SERPINI2: variants seen among roughly 807,000 people sequenced by gnomAD.
The protein encoded by SERPINI2 is serpin I2.
A neutral mutation model predicts 47.3 loss-of-function variants in SERPINI2; 48 were observed. The ratio of observed to expected loss-of-function variants is 1.02; its 90% CI spans 0.81 to 1.29. The LOEUF (loss-of-function observed/expected upper bound fraction) is 1.29. SERPINI2 is among the 50% of genes most tolerant of loss of function. SERPINI2 has a pLI of 0.00. For synonymous variants in SERPINI2, 135 were observed against 149.3 expected, an observed-to-expected ratio of 0.90 and a Z score of 0.70; for missense variants, 448 against 456.9, an observed-to-expected ratio of 0.98 and a Z score of 0.18.
intron 5 of SERPINI2, among the ~76,000 whole-genome samples, chr3:167,457,182 A>G (rs1749817581): frequency 6.6e-6 from 1 of 152,238 alleles, no homozygotes; most frequent in Non-Finnish European, 1.5e-5. Flanking sequence ...GTAGTGCTTA[A>G]CAAGTTTAAA....
chr3:167,446,748 A>G (rs1239094055), intron 7 of SERPINI2: 1 of 220,152 alleles, frequency 4.5e-6, no homozygotes, highest in African/African-American at 2.3e-5. Flanking sequence ...GATTCAATTT[A>G]GTGAAAGCAG....
At chr3:167,476,445 T>C (rs888171549), upstream of SERPINI2, among the ~76,000 whole-genome samples, 1 of 151,228 alleles carries the variant, frequency 6.6e-6, no homozygotes, top group Non-Finnish European at 1.5e-5. Context: ...ACAGCTCTTC[T>C]TAATTCCTTT....
In SERPINI2 at chr3:167,449,408, T is replaced by TA. The variant is rs112652738; in HGVS notation, c.965-7dup. 611 of 1,521,670 alleles carry TA rather than the reference T, an allele frequency of 4.0e-4. No homozygotes were observed. The highest frequency in any genetic ancestry group is 6.9e-4 in the Middle Eastern group (4 of 5,802). 94.3% of individuals were successfully genotyped at this position (1,521,670 alleles called of 1,614,324 possible). A position where few individuals can be genotyped will look rare whatever the true frequency, so the allele number is the denominator to read the frequency against. ...AACATACACTTCAGATGAATCTGGT[T>TA]AAAAAAAAATACACAAAAGTGTATT... On this transcript the variant is annotated splice_polypyrimidine_tract_variant and splice_region_variant and intron_variant, in intron 6 of 8. Transcript: ENST00000264677.
chr3:167,450,425 G>A (rs983668615), intron 6 of SERPINI2, among the ~76,000 whole-genome samples: 10 of 152,180 alleles, frequency 6.6e-5, no homozygotes, highest in African/African-American at 2.4e-4. Flanking sequence ...CCGGAGCCCA[G>A]AAGCCATGTC....
chr3:167,476,961 A>G (rs181142295), upstream of SERPINI2, among the ~76,000 whole-genome samples: 2 of 152,058 alleles, frequency 1.3e-5, no homozygotes, highest in East Asian at 1.9e-4. Context: ...CCATTGTACT[A>G]TCACCAACCT....
intron 6 of SERPINI2, among the ~76,000 whole-genome samples, chr3:167,452,307 G>C (rs369376325): frequency 1.3e-5 from 2 of 152,104 alleles, no homozygotes; most frequent in Non-Finnish European, 2.9e-5. Flanking sequence ...TTTTGAACTA[G>C]TGTGTACCAC....
At chr3:167,465,744 A>T in intron 3 of SERPINI2, 71 bp from the exon 4 acceptor site, 1 of 1,327,732 alleles carries the variant, frequency 7.5e-7, no homozygotes, top group Non-Finnish European at 1.0e-6. Flanking sequence ...CTTTGAATAG[A>T]ATTAAAGCAA....
At chr3:167,469,087 T>G (rs2108172144) in intron 2 of SERPINI2, among the ~76,000 whole-genome samples, 1 of 152,306 alleles carries the variant, frequency 6.6e-6, no homozygotes, top group Non-Finnish European at 1.5e-5. Context: ...GTAGTACAAG[T>G]TTGGAGAAGA....
chr3:167,444,551 A>T (rs764890750), intron 8 of SERPINI2, among the ~76,000 whole-genome samples: 2 of 152,110 alleles, frequency 1.3e-5, no homozygotes, highest in Non-Finnish European at 2.9e-5. Context: ...CATTAATCTC[A>T]ATGATTTCTT....
exon 7 of SERPINI2, chr3:167,449,345 T>C (rs763712932): frequency 1.2e-6 from 2 of 1,613,340 alleles, no homozygotes; most frequent in Non-Finnish European, 1.7e-6. Flanking sequence ...ACTACCATCT[T>C]CATTTATCTC....
At chr3:167,459,733 C>T (rs974018023) in intron 5 of SERPINI2, among the ~76,000 whole-genome samples, 1 of 147,090 alleles carries the variant, frequency 6.8e-6, no homozygotes, top group Non-Finnish European at 1.5e-5. Context: ...AGATATTTTA[C>T]AACAATATAG....
intron 7 of SERPINI2, among the ~76,000 whole-genome samples, chr3:167,448,046 A>G (rs898718695): frequency 6.6e-6 from 1 of 152,344 alleles, no homozygotes; most frequent in African/African-American, 2.4e-5. Flanking sequence ...TAAAATCCAA[A>G]TAGTATGGGG....
intron 2 of SERPINI2, among the ~76,000 whole-genome samples, chr3:167,470,581 G>A (rs1185044453): frequency 1.5e-5 from 1 of 67,774 alleles, no homozygotes; most frequent in Non-Finnish European, 2.5e-5. Context: ...TTTTTTTTTG[G>A]AGAAGGAGTC....
At chr3:167,459,679 TG>T (rs148400461) in intron 5 of SERPINI2, among the ~76,000 whole-genome samples, 28,484 of 128,896 alleles carry the variant, frequency 0.22, 3,203 homozygotes, top group South Asian at 0.29. Flanking sequence ...TTCTTATGGG[TG>T]GTTTTTTTTT....
intron 8 of SERPINI2, among the ~76,000 whole-genome samples, chr3:167,442,525 G>A (rs188370376): frequency 3.0e-4 from 46 of 152,212 alleles, no homozygotes; most frequent in Middle Eastern, 3.4e-3. Flanking sequence ...ATAATAAAAC[G>A]GTGATGAGCG....
chr3:167,454,369 T>C lies in SERPINI2; in HGVS notation c.867-1336A>G, dbSNP rs115589943. 6.0e-3 allele frequency among the ~76,000 whole-genome samples: 916 copies of C among 152,298 alleles called. 9 individuals carry two copies. Among genetic ancestry groups the C allele is most frequent in the African/African-American group, 0.021 (871 of 41,562 alleles). Reference sequence around the variant, plus strand: ...TATCTACCTGGGAATGGACACAACATGCACATTAAAATCAGCTGATAAAGA... The same window carrying C: ...TATCTACCTGGGAATGGACACAACACGCACATTAAAATCAGCTGATAAAGA... On this transcript the variant is annotated intron_variant, in intron 5 of 8. Transcript: ENST00000264677.
chr3:167,468,589 T>A (rs1408879585), intron 2 of SERPINI2, among the ~76,000 whole-genome samples: 1 of 152,162 alleles, frequency 6.6e-6, no homozygotes, highest in African/African-American at 2.4e-5. Flanking sequence ...GGTATATAGA[T>A]ACAGGTATAA....
chr3:167,471,721 G>A, exon 2 of SERPINI2: 1 of 1,613,538 alleles, frequency 6.2e-7, no homozygotes, highest in East Asian at 2.2e-5. Context: ...TATGAGATAA[G>A]GAAACCTCTT....
At chr3:167,457,306 G>A (rs185975263) in intron 5 of SERPINI2, among the ~76,000 whole-genome samples, 1 of 152,332 alleles carries the variant, frequency 6.6e-6, no homozygotes, top group African/African-American at 2.4e-5. Flanking sequence ...AGGACCCTTG[G>A]AAGTATATCC....
Sources: allele counts gnomAD v4.1 joint callset (sites outside exome capture counted in the v4.1 genomes callset), GRCh38; gene constraint gnomAD v4.1.1; transcripts MANE v1.5; gene names NCBI Gene and HGNC (gene_info 2026-07-23, HGNC 2026-07-21).